Variants in DPP6 observed in about 807,000 individuals in gnomAD.
The protein encoded by DPP6 is A-type potassium channel modulatory protein DPP6.
Under a neutral mutation model 122.6 loss-of-function variants are expected in DPP6, and 69 were observed. That is an observed-to-expected ratio of 0.56 (90% CI 0.46 to 0.69). DPP6 has a LOEUF of 0.69. Among genes scored for constraint, DPP6 ranks in the 30% least tolerant of loss-of-function variants. The pLI, the probability that DPP6 is intolerant of heterozygous loss-of-function variation, is 0.00. For missense variants in DPP6, 928 were observed against 1,116.9 expected, an observed-to-expected ratio of 0.83 and a Z score of 2.41; for synonymous variants, 418 against 433.1, an observed-to-expected ratio of 0.97 and a Z score of 0.43.
chr7:154,200,941 TA>T lies in DPP6; in HGVS notation c.243+147889del, dbSNP rs1009797339. Among the ~76,000 whole-genome samples, 438 of 148,206 alleles carry T rather than the reference TA, an allele frequency of 3.0e-3. 3 individuals are homozygous for T. The highest frequency in any genetic ancestry group is 9.2e-3 in the East Asian group (47 of 5,098). On this transcript the variant is annotated intron_variant, in intron 1 of 25. Transcript: ENST00000377770. ...GAATCTTCTTAGAATTGGTTTCCTT[TA>T]AAAAAAAAAATTGTGGGCTTCTCTT...
chr7:154,443,660 AGATG>A (rs1409671606), intron 1 of DPP6, among the ~76,000 whole-genome samples: 15 of 125,772 alleles, frequency 1.2e-4, no homozygotes, highest in African/African-American at 4.1e-4. Flanking sequence ...GTGGATGAAT[AGATG>A]GATGGATGGA....
At chr7:154,855,110 A>C (rs929593207) in intron 17 of DPP6, among the ~76,000 whole-genome samples, 5 of 152,046 alleles carry the variant, frequency 3.3e-5, no homozygotes, top group Non-Finnish European at 7.4e-5. Context: ...GGTGAGGCGC[A>C]TGTTGGAAAG....
At chr7:154,873,349 G>T (rs905378312) in intron 19 of DPP6, among the ~76,000 whole-genome samples, 13 of 152,320 alleles carry the variant, frequency 8.5e-5, no homozygotes, top group East Asian at 1.9e-4. Context: ...AGGCAGTGCA[G>T]AGGGGGCCAC....
At chr7:154,832,381 G>A (rs935011155) in intron 16 of DPP6, among the ~76,000 whole-genome samples, 4 of 152,156 alleles carry the variant, frequency 2.6e-5, no homozygotes, top group Non-Finnish European at 4.4e-5. Context: ...GCATGAAGAG[G>A]CATCGTGCTA....
intron 17 of DPP6, among the ~76,000 whole-genome samples, chr7:154,856,434 G>A (rs910919403): frequency 3.3e-5 from 5 of 152,282 alleles, no homozygotes; most frequent in Admixed American, 3.3e-4. Flanking sequence ...TGTATCTTAG[G>A]TGTGTGTGAC....
intron 1 of DPP6, among the ~76,000 whole-genome samples, chr7:153,955,730 C>T (rs559343531): frequency 6.6e-6 from 1 of 152,272 alleles, no homozygotes; most frequent in South Asian, 2.1e-4. Flanking sequence ...TGAGTCACTG[C>T]GCCCGGCCCG....
chr7:154,542,364 C>T (rs973580429), intron 4 of DPP6, among the ~76,000 whole-genome samples: 2 of 152,124 alleles, frequency 1.3e-5, no homozygotes, highest in African/African-American at 2.4e-5. Context: ...ATAAAATGAT[C>T]AGACTGTTGC....
At chr7:154,362,897 G>A (rs948757461) in intron 1 of DPP6, among the ~76,000 whole-genome samples, 2 of 152,178 alleles carry the variant, frequency 1.3e-5, no homozygotes, top group African/African-American at 4.8e-5. Flanking sequence ...AGCTTGTTTG[G>A]AGTGGAGACT....
At position 154,052,503 on chromosome 7, in the gene DPP6, G is replaced by A. The variant is rs1800423351; in HGVS notation, c.-318G>A. On this transcript the variant is annotated 5_prime_UTR_variant, in exon 1 of 26. Transcript: ENST00000377770. This position sits in a 1 kb window ranked among gnomAD's most constrained non-coding sequence, Gnocchi z 4.8. Reference sequence around the variant, plus strand: ...TTCCTTCAATCTCTTTGATTAGGCCGTACGTGGCTGTGGCAAGGAGTTGGG... The same window carrying A: ...TTCCTTCAATCTCTTTGATTAGGCCATACGTGGCTGTGGCAAGGAGTTGGG... 1.0e-5 allele frequency: 5 copies of A among 491,878 alleles called. No individual in the cohort carries two copies. Among genetic ancestry groups the A allele is most frequent in the East Asian group, 1.1e-4 (1 of 9,288 alleles). 30.5% of individuals were successfully genotyped at this position (491,878 alleles called of 1,614,324 possible). A position where few individuals can be genotyped will look rare whatever the true frequency, so the allele number is the denominator to read the frequency against.
chr7:154,362,744 T>G (rs1289420826), intron 1 of DPP6, among the ~76,000 whole-genome samples: 1 of 152,100 alleles, frequency 6.6e-6, no homozygotes, highest in East Asian at 1.9e-4. Flanking sequence ...TTTTAAATCC[T>G]TCTAGAAGGT....
intron 1 of DPP6, among the ~76,000 whole-genome samples, chr7:153,999,063 C>T (rs1467479046): frequency 6.6e-6 from 1 of 152,242 alleles, no homozygotes; most frequent in Non-Finnish European, 1.5e-5. Flanking sequence ...CATCATGCCC[C>T]TGTTCAGCTA....
chr7:154,857,403 T>G (rs1302566221), intron 17 of DPP6, among the ~76,000 whole-genome samples: 1 of 152,182 alleles, frequency 6.6e-6, no homozygotes, highest in African/African-American at 2.4e-5. Context: ...ACGAATGGCT[T>G]TGAGTCCACC....
At chr7:154,148,594 C>G (rs1359954604) in intron 1 of DPP6, among the ~76,000 whole-genome samples, 1 of 152,260 alleles carries the variant, frequency 6.6e-6, no homozygotes, top group Non-Finnish European at 1.5e-5. Context: ...GCAGTGGGCA[C>G]TCTCCTGGCA....
chr7:154,618,516 T>G lies in DPP6; in HGVS notation c.628-19305T>G, dbSNP rs995649740. Among the ~76,000 whole-genome samples, 5 of 152,140 alleles carry G rather than the reference T, an allele frequency of 3.3e-5. No individual in the cohort carries two copies. The highest frequency in any genetic ancestry group is 7.4e-5 in the Non-Finnish European group (5 of 68,020). ...GGGTGCAGGTAGGAGCCTTAGACAATTTCTAGTTTGACTCTCATCATATTT... is the reference window on the plus strand; with the variant it reads ...GGGTGCAGGTAGGAGCCTTAGACAAGTTCTAGTTTGACTCTCATCATATTT... On this transcript the variant is annotated intron_variant, in intron 5 of 25. Transcript: ENST00000377770. This position sits in a 1 kb window ranked among gnomAD's most constrained non-coding sequence, Gnocchi z 4.1.
chr7:153,838,600 G>A, the DPP6 span, among the ~76,000 whole-genome samples: 5 of 152,140 alleles, frequency 3.3e-5, no homozygotes, highest in Admixed American at 2.0e-4. Context: ...ATCATTGAGA[G>A]GTTCCACTGA....
intron 1 of DPP6, among the ~76,000 whole-genome samples, chr7:154,326,272 G>T (rs1397974964): frequency 6.6e-6 from 1 of 152,074 alleles, no homozygotes; most frequent in Non-Finnish European, 1.5e-5. Flanking sequence ...TTCTGTTTAT[G>T]GGGATGTCAC....
At chr7:154,474,030 G>T (rs184294519) in intron 2 of DPP6, among the ~76,000 whole-genome samples, 3 of 152,214 alleles carry the variant, frequency 2.0e-5, no homozygotes, top group African/African-American at 7.2e-5. Context: ...ATGTCCATCA[G>T]ATGTGGTCAA....
At chr7:154,862,833 G>A (rs1803523758) in intron 17 of DPP6, among the ~76,000 whole-genome samples, 1 of 152,202 alleles carries the variant, frequency 6.6e-6, no homozygotes. Flanking sequence ...CTGGCTGGAG[G>A]AAAAAAGATA....
intron 17 of DPP6, among the ~76,000 whole-genome samples, chr7:154,856,113 G>T (rs1164747173): frequency 6.6e-6 from 1 of 152,144 alleles, no homozygotes; most frequent in Non-Finnish European, 1.5e-5. Flanking sequence ...AAATTTAAAA[G>T]TTTTTTCTAA....
Sources: allele counts gnomAD v4.1 joint callset (sites outside exome capture counted in the v4.1 genomes callset), GRCh38; gene constraint gnomAD v4.1.1; non-coding constraint Gnocchi (gnomAD v3.1); transcripts MANE v1.5; gene names NCBI Gene and HGNC (gene_info 2026-07-23, HGNC 2026-07-21).